Variants in DLG2 observed in about 807,000 individuals in gnomAD.
The protein encoded by DLG2 is disks large homolog 2.
Under a neutral mutation model 132.5 loss-of-function variants are expected in DLG2, and 45 were observed. That is an observed-to-expected ratio of 0.34 (90% CI 0.27 to 0.44). The LOEUF (loss-of-function observed/expected upper bound fraction) is 0.44, where lower values mean the gene tolerates loss of function less well. DLG2 is among the 20% of genes least tolerant of loss of function. The pLI, the probability that DLG2 is intolerant of heterozygous loss-of-function variation, is 1.00. For missense variants in DLG2, 1,045 were observed against 1,196.9 expected, an observed-to-expected ratio of 0.87 and a Z score of 1.87; for synonymous variants, 424 against 419.6, an observed-to-expected ratio of 1.01 and a Z score of -0.13.
chr11:84,803,776 T>G (rs2075692949), intron 6 of DLG2, among the ~76,000 whole-genome samples: 1 of 152,200 alleles, frequency 6.6e-6, no homozygotes, highest in East Asian at 1.9e-4. Context: ...CCTTACTACC[T>G]CAAGCATTCT....
At chr11:84,659,029 G>A (rs949493464) in intron 6 of DLG2, among the ~76,000 whole-genome samples, 1 of 152,074 alleles carries the variant, frequency 6.6e-6, no homozygotes, top group Non-Finnish European at 1.5e-5. Context: ...CCATAACTGT[G>A]AGAAATAAAT....
chr11:84,028,145 C>A (rs1167401642), intron 11 of DLG2, among the ~76,000 whole-genome samples: 3 of 151,272 alleles, frequency 2.0e-5, no homozygotes, highest in African/African-American at 7.3e-5. Context: ...TTTACAATAA[C>A]AGCAACAAAA....
intron 6 of DLG2, among the ~76,000 whole-genome samples, chr11:84,634,679 A>G (rs1370427807): frequency 6.6e-6 from 1 of 152,244 alleles, no homozygotes; most frequent in Admixed American, 6.5e-5. Flanking sequence ...TGCTCAATTA[A>G]ACTTTGTTAA....
chr11:83,928,347 GA>G (rs1204886742), intron 15 of DLG2, among the ~76,000 whole-genome samples: 1 of 151,988 alleles, frequency 6.6e-6, no homozygotes, highest in Non-Finnish European at 1.5e-5. Flanking sequence ...AAAGCAAGCT[GA>G]AAAGAATCAT....
chr11:85,061,852 C>T (rs1049461593), intron 6 of DLG2, among the ~76,000 whole-genome samples: 15 of 151,870 alleles, frequency 9.9e-5, no homozygotes, highest in Non-Finnish European at 1.5e-5. Context: ...CAGTCTTGCT[C>T]TCTGAGTGTT....
intron 18 of DLG2, among the ~76,000 whole-genome samples, chr11:83,663,768 T>A (rs995340797): frequency 6.6e-6 from 1 of 152,110 alleles, no homozygotes; most frequent in African/African-American, 2.4e-5. Flanking sequence ...ACCTCAGAGG[T>A]TCCTAGATAC....
At chr11:83,896,010 T>C (rs911091560) in intron 15 of DLG2, among the ~76,000 whole-genome samples, 1 of 151,674 alleles carries the variant, frequency 6.6e-6, no homozygotes, top group South Asian at 2.1e-4. Flanking sequence ...GAACCATTTG[T>C]ACTTGCATTT....
chr11:83,756,623 G>C (rs1220653316), intron 18 of DLG2, among the ~76,000 whole-genome samples: 2 of 151,226 alleles, frequency 1.3e-5, no homozygotes, highest in Non-Finnish European at 2.9e-5. Flanking sequence ...AACCTCATAG[G>C]ATTCTTGTGA....
At position 84,137,425 on chromosome 11, in the gene DLG2, A is replaced by G. The variant is rs146177905; in HGVS notation, c.624+26036T>C. Among the ~76,000 whole-genome samples, 18 of 152,112 alleles carry G rather than the reference A, an allele frequency of 1.2e-4. No individual in the cohort carries two copies. In the Middle Eastern group the frequency reaches 0.01, roughly 86 times the overall value. On this transcript the variant is annotated intron_variant, in intron 9 of 27. Transcript: ENST00000376104. ...CTGGAGGGCATAATTTTCAGGTGAC[A>G]TGACCAAATTTTATGTGTGTGTGTG...
intron 25 of DLG2, among the ~76,000 whole-genome samples, chr11:83,468,269 G>C (rs867377480): frequency 1.3e-5 from 2 of 152,148 alleles, no homozygotes; most frequent in Non-Finnish European, 2.9e-5. Context: ...GGTTCAAGCC[G>C]TTATTACTTA....
intron 3 of DLG2, among the ~76,000 whole-genome samples, chr11:85,475,375 T>G (rs2093109154): frequency 6.6e-6 from 1 of 151,960 alleles, no homozygotes; most frequent in African/African-American, 2.4e-5. Flanking sequence ...CCATGTATTA[T>G]CCTAATATAA....
intron 3 of DLG2, among the ~76,000 whole-genome samples, chr11:85,373,332 C>T (rs1488455995): frequency 6.6e-6 from 1 of 152,158 alleles, no homozygotes; most frequent in Non-Finnish European, 1.5e-5. Context: ...ACTCCAGTCA[C>T]ACAACTGGAG....
intron 8 of DLG2, among the ~76,000 whole-genome samples, chr11:84,216,246 T>G (rs1407710688): frequency 1.3e-5 from 2 of 152,152 alleles, no homozygotes; most frequent in Non-Finnish European, 2.9e-5. Context: ...TTTCTGAGTT[T>G]CTCTTCTTAT....
chr11:84,776,830 TA>T (rs1473511865), intron 6 of DLG2, among the ~76,000 whole-genome samples: 1 of 152,174 alleles, frequency 6.6e-6, no homozygotes, highest in African/African-American at 2.4e-5. Context: ...TCTTTCCAGC[TA>T]TAGAAGATTA....
chr11:85,253,718 A>G (rs1380595567), intron 4 of DLG2, among the ~76,000 whole-genome samples: 1 of 152,176 alleles, frequency 6.6e-6, no homozygotes, highest in African/African-American at 2.4e-5. Flanking sequence ...CTTGTCTGGT[A>G]TCCAGGAGGA....
intron 9 of DLG2, among the ~76,000 whole-genome samples, chr11:84,147,580 G>T (rs2095132329): frequency 6.6e-6 from 1 of 152,096 alleles, no homozygotes; most frequent in Admixed American, 6.6e-5. Context: ...ATAAAGAAAA[G>T]AAAAGAGTTG....
intron 3 of DLG2, among the ~76,000 whole-genome samples, chr11:85,548,599 TC>T (rs758872046): frequency 1.3e-3 from 198 of 152,270 alleles, no homozygotes; most frequent in Non-Finnish European, 2.5e-3. Flanking sequence ...AACCGCCCCT[TC>T]CCCCAGGTGC....
intron 6 of DLG2, among the ~76,000 whole-genome samples, chr11:85,071,449 T>G (rs2065851973): frequency 6.6e-6 from 1 of 151,866 alleles, no homozygotes; most frequent in East Asian, 1.9e-4. Flanking sequence ...GAAAAACTAC[T>G]TTATAGATAA....
At chr11:83,508,360 C>T (rs2094837330) in intron 21 of DLG2, among the ~76,000 whole-genome samples, 1 of 148,942 alleles carries the variant, frequency 6.7e-6, no homozygotes, top group African/African-American at 2.5e-5. Flanking sequence ...CCTCAGCCTC[C>T]CGAGTAGCTG....
Sources: gnomAD v4.1 joint callset for allele counts (sites outside exome capture counted in the v4.1 genomes callset) on GRCh38, gnomAD v4.1.1 for gene constraint, MANE v1.5 for transcripts, NCBI Gene and HGNC (gene_info 2026-07-23, HGNC 2026-07-21) for gene names.